Variants in ITGA9 observed in about 807,000 individuals in gnomAD.
ITGA9 encodes the protein integrin alpha-9.
Under a neutral mutation model 127.8 loss-of-function variants are expected in ITGA9, and 56 were observed. That is an observed-to-expected ratio of 0.44 (90% CI 0.35 to 0.55). ITGA9 has a LOEUF of 0.55. Ranked by LOEUF, ITGA9 falls within the 20% of genes least tolerant of loss-of-function variation. The pLI is 0.00. For synonymous variants in ITGA9, 508 were observed against 514.5 expected, an observed-to-expected ratio of 0.99 and a Z score of 0.17; for missense variants, 1,196 against 1,347.1, an observed-to-expected ratio of 0.89 and a Z score of 1.76.
intron 20 of ITGA9, among the ~76,000 whole-genome samples, chr3:37,740,074 C>T (rs553365538): frequency 2.0e-5 from 3 of 152,268 alleles, no homozygotes; most frequent in South Asian, 4.2e-4. Context: ...TCACACAGCA[C>T]CATTGTTTCA....
intron 25 of ITGA9, 62 bp from the exon 26 acceptor site, chr3:37,784,915 T>C (rs898741234): frequency 7.1e-7 from 1 of 1,405,492 alleles, no homozygotes; most frequent in African/African-American, 1.4e-5. Context: ...GCCCAGTCCC[T>C]CTCAAGGCCC....
chr3:37,716,343 G>A (rs1241579729), intron 18 of ITGA9, among the ~76,000 whole-genome samples: 1 of 151,898 alleles, frequency 6.6e-6, no homozygotes, highest in East Asian at 1.9e-4. Flanking sequence ...AGCCAGTCCA[G>A]CCATCTGAAG....
intron 16 of ITGA9, among the ~76,000 whole-genome samples, chr3:37,638,949 C>T (rs564707920): frequency 6.6e-6 from 1 of 152,302 alleles, no homozygotes; most frequent in Admixed American, 6.5e-5. Context: ...GTACATAGTC[C>T]TGGGAGAAGA....
Position 37,820,188 on chromosome 3 carries a change from A to C in ITGA9, c.*1199A>C, listed in dbSNP as rs1340811855. On this transcript the variant is annotated 3_prime_UTR_variant, in exon 28 of 28. Coordinates refer to ENST00000264741, the MANE Select transcript of ITGA9 (RefSeq NM_002207.3). ...ACAAGGAAGGAGACAAAGCCAGGCA[A>C]ATGTTTGTCATTTCAGGGAGAGCTC... is the stretch of plus-strand genomic sequence containing the variant. 1 of 152,288 alleles carries C rather than the reference A, an allele frequency of 6.6e-6. No individual in the cohort carries two copies. The highest frequency in any genetic ancestry group is 1.5e-5 in the Non-Finnish European group (1 of 68,106). The allele number at this position is 152,288 out of a possible 1,614,324, so 9.4% of individuals were successfully genotyped here.
intron 23 of ITGA9, among the ~76,000 whole-genome samples, chr3:37,751,576 C>G (rs1392980283): frequency 7.2e-5 from 11 of 152,060 alleles, no homozygotes; most frequent in Non-Finnish European, 1.5e-4. Flanking sequence ...CTGAAGGTAC[C>G]CCAAAACCAG....
At chr3:37,549,041 C>T (rs1023822828) in intron 15 of ITGA9, among the ~76,000 whole-genome samples, 1 of 152,242 alleles carries the variant, frequency 6.6e-6, no homozygotes, top group Non-Finnish European at 1.5e-5. Flanking sequence ...ACACAGATGG[C>T]ACTAAGGAAC....
chr3:37,726,958 T>A (rs1696213881), intron 18 of ITGA9, among the ~76,000 whole-genome samples: 1 of 152,202 alleles, frequency 6.6e-6, no homozygotes, highest in African/African-American at 2.4e-5. Context: ...TAGTTGAAAA[T>A]ATCATAAGTT....
chr3:37,510,660 G>A (rs978981911), intron 8 of ITGA9, among the ~76,000 whole-genome samples: 1 of 152,188 alleles, frequency 6.6e-6, no homozygotes, highest in Non-Finnish European at 1.5e-5. Flanking sequence ...CTGAATGTCT[G>A]CTTGGATGTC....
At chr3:37,610,201 GTTGTGTCTCC>G (rs1324102289) in intron 15 of ITGA9, among the ~76,000 whole-genome samples, 11 of 152,190 alleles carry the variant, frequency 7.2e-5, no homozygotes, top group Admixed American at 6.5e-4. Context: ...GAAATGGCTT[GTTGTGTCTCC>G]TAAATTAGAT....
chr3:37,501,161 A>G (rs1698783429), intron 5 of ITGA9, among the ~76,000 whole-genome samples: 1 of 152,162 alleles, frequency 6.6e-6, no homozygotes, highest in African/African-American at 2.4e-5. Flanking sequence ...AATTCTGATT[A>G]TTTCTTATTG....
At chr3:37,673,514 C>T (rs1700656393) in intron 17 of ITGA9, among the ~76,000 whole-genome samples, 1 of 152,160 alleles carries the variant, frequency 6.6e-6, no homozygotes, top group Admixed American at 6.5e-5. Flanking sequence ...ACTTCTCCTC[C>T]ACCGTCTTAG....
chr3:37,485,967 GTA>G (rs1191664363), intron 4 of ITGA9, among the ~76,000 whole-genome samples: 1 of 152,214 alleles, frequency 6.6e-6, no homozygotes, highest in Non-Finnish European at 1.5e-5. Context: ...GTGGGACGAT[GTA>G]TAGGGAAAAC....
intron 18 of ITGA9, among the ~76,000 whole-genome samples, chr3:37,688,167 G>A (rs966385613): frequency 6.6e-6 from 1 of 152,184 alleles, no homozygotes; most frequent in African/African-American, 2.4e-5. Flanking sequence ...AAAGATGTGG[G>A]AAGCCTTTGA....
intron 5 of ITGA9, among the ~76,000 whole-genome samples, chr3:37,501,473 T>G (rs916767431): frequency 6.6e-6 from 1 of 152,236 alleles, no homozygotes; most frequent in East Asian, 1.9e-4. Context: ...CTATTTTAAA[T>G]GCAGAGTTCG....
At chr3:37,652,096 G>A (rs1700434629) in intron 16 of ITGA9, among the ~76,000 whole-genome samples, 3 of 151,838 alleles carry the variant, frequency 2.0e-5, no homozygotes, top group African/African-American at 4.8e-5. Context: ...GAGACCTGAG[G>A]CTTATATAGT....
chr3:37,736,810 G>T, intron 19 of ITGA9, 94 bp from the exon 20 acceptor site: 2 of 832,096 alleles, frequency 2.4e-6, no homozygotes, highest in East Asian at 4.9e-5. Context: ...TCATGCAAAT[G>T]AGCTTCCAGA....
At chr3:37,559,896 A>C (rs1559536605) in intron 15 of ITGA9, among the ~76,000 whole-genome samples, 1 of 152,206 alleles carries the variant, frequency 6.6e-6, no homozygotes, top group Non-Finnish European at 1.5e-5. Flanking sequence ...GTGGAAACTC[A>C]AGAGCAGCAC....
Position 37,505,986 on chromosome 3 carries a change from C to T in ITGA9, c.743-14C>T, listed in dbSNP as rs1370977104. The T allele has an allele frequency of 6.3e-7, 1 of 1,587,914 alleles. No homozygotes were observed. The highest frequency in any genetic ancestry group is 1.7e-5 in the Admixed American group (1 of 57,180). On this transcript the variant is annotated splice_polypyrimidine_tract_variant and intron_variant, in intron 6 of 27. Coordinates refer to ENST00000264741, the MANE Select transcript of ITGA9 (RefSeq NM_002207.3). Reference sequence around the variant, plus strand: ...TTTTCAACCGTGTGCTTGGTTTCCGCCCATCCTGTTCAGGCTACGCAGTGA... The same window carrying T: ...TTTTCAACCGTGTGCTTGGTTTCCGTCCATCCTGTTCAGGCTACGCAGTGA...
At chr3:37,740,831 T>A (rs561024023) in intron 20 of ITGA9, among the ~76,000 whole-genome samples, 46 of 152,312 alleles carry the variant, frequency 3.0e-4, no homozygotes, top group African/African-American at 9.6e-4. Flanking sequence ...CCCGGAGGCC[T>A]TATGTGGATG....
Sources: allele counts gnomAD v4.1 joint callset (sites outside exome capture counted in the v4.1 genomes callset), GRCh38; gene constraint gnomAD v4.1.1; transcripts MANE v1.5; gene names NCBI Gene and HGNC (gene_info 2026-07-23, HGNC 2026-07-21).